Variants in SLC25A33 observed in about 807,000 individuals in gnomAD.
SLC25A33 encodes the protein bone marrow stromal cell mitochondrial carrier protein.
SLC25A33 carries 15 observed loss-of-function variants against 35.5 expected under a neutral mutation model. The ratio of observed to expected loss-of-function variants is 0.42; its 90% CI spans 0.28 to 0.65. The LOEUF is 0.65. SLC25A33 is among the 30% of genes least tolerant of loss of function. SLC25A33 has a pLI of 0.20. For missense variants in SLC25A33, 257 were observed against 398.5 expected (o/e 0.64, Z 3.02); for synonymous variants, 136 against 148.7 (o/e 0.91, Z 0.62).
chr1:9,557,803 C>T (rs985647336), intron 2 of SLC25A33, among the ~76,000 whole-genome samples: 11 of 152,090 alleles, frequency 7.2e-5, no homozygotes, highest in Non-Finnish European at 1.5e-4. Context: ...GCACAATTTA[C>T]GTAAGACAGG....
intron 6 of SLC25A33, among the ~76,000 whole-genome samples, chr1:9,581,387 T>C (rs1490394796): frequency 2.0e-5 from 3 of 152,236 alleles, no homozygotes; most frequent in Non-Finnish European, 4.4e-5. Context: ...ATTTGCTTAA[T>C]TGGGAGTAGA....
In SLC25A33 at chr1:9,542,409, C is replaced by A. The variant is rs368503236; in HGVS notation, c.56+2662C>A. On this transcript the variant is annotated intron_variant, in intron 1 of 6. Transcript: ENST00000302692. The stretch of plus-strand genomic sequence containing the variant: ...CCTGTCTTGGCAGCAATTGGAGACT[C>A]AAGAAAGAAAAGACAGCTTCCAAAA... 1.6e-3 allele frequency among the ~76,000 whole-genome samples: 237 copies of A among 152,256 alleles called. 1 individual carries two copies. The highest frequency in any genetic ancestry group is 5.5e-3 in the African/African-American group (227 of 41,540).
chr1:9,557,503 A>C (rs1432351356), intron 2 of SLC25A33, among the ~76,000 whole-genome samples: 1 of 152,132 alleles, frequency 6.6e-6, no homozygotes, highest in Non-Finnish European at 1.5e-5. Context: ...GTTTGAGACC[A>C]GCCTGGGCAA....
intron 2 of SLC25A33, among the ~76,000 whole-genome samples, chr1:9,566,837 A>G (rs1190425085): frequency 6.7e-6 from 1 of 149,276 alleles, no homozygotes; most frequent in African/African-American, 2.5e-5. Context: ...CAAGAGTGAA[A>G]CTCCGTCTAA....
At chr1:9,567,189 T>G (rs1643520880) in intron 2 of SLC25A33, 95 bp from the exon 3 acceptor site, 1 of 1,011,816 alleles carries the variant, frequency 9.9e-7, no homozygotes, top group South Asian at 1.5e-5. Flanking sequence ...AAACATTTTA[T>G]TCTCTCAAGG....
In SLC25A33 at chr1:9,539,725, C is replaced by T; in HGVS notation, c.34C>T (p.Leu12=). The T allele has an allele frequency of 6.4e-6, 9 of 1,409,878 alleles. No individual in the cohort carries two copies. The highest frequency in any genetic ancestry group is 1.5e-5 in the African/African-American group (1 of 66,588). 87.3% of individuals were successfully genotyped at this position (1,409,878 alleles called of 1,614,324 possible). A position where few individuals can be genotyped will look rare whatever the true frequency, so the allele number is the denominator to read the frequency against. ...ATGGQQKENT[L]LHLFAGGCGG... ...GGGCGGCCAGCAGAAGGAGAACACG[C>T]TGCTTCACCTCTTCGCCGGCGGGTG... The change falls in exon 1 of 7, where the codon CTG becomes TTG. Residue 12 remains leucine, a synonymous_variant. Transcript: ENST00000302692.
intron 6 of SLC25A33, among the ~76,000 whole-genome samples, 179 bp downstream of exon 6, chr1:9,580,413 G>A (rs1006003213): frequency 2.0e-5 from 3 of 152,210 alleles, no homozygotes; most frequent in Non-Finnish European, 2.9e-5. Flanking sequence ...GTGGGAACTC[G>A]ACCTTACTCA....
In SLC25A33 at chr1:9,578,048, G is replaced by A. The variant is rs181028495; in HGVS notation, c.483-1906G>A. Among the ~76,000 whole-genome samples the A allele has an allele frequency of 1.3e-4, 20 of 152,152 alleles. No homozygotes were observed. The highest frequency in any genetic ancestry group is 3.4e-4 in the African/African-American group (14 of 41,518). On this transcript the variant is annotated intron_variant, in intron 5 of 6. Coordinates refer to ENST00000302692, the MANE Select transcript of SLC25A33 (RefSeq NM_032315.3). The surrounding 1 kb of genome is among the most constrained non-coding windows in gnomAD (Gnocchi z 4.3). ...CGCCATTCTCCTGCCTCAGCCTCCCGAGTAGCTGGGAAGTGCCCGCCACCA... is the reference window on the plus strand; with the variant it reads ...CGCCATTCTCCTGCCTCAGCCTCCCAAGTAGCTGGGAAGTGCCCGCCACCA...
At chr1:9,560,457 G>A (rs773340723) in intron 2 of SLC25A33, among the ~76,000 whole-genome samples, 4 of 151,796 alleles carry the variant, frequency 2.6e-5, no homozygotes, top group African/African-American at 4.8e-5. Context: ...CCGGCTACTC[G>A]GGAGGTTGAG....
chr1:9,556,374 G>A lies in SLC25A33; in HGVS notation c.236+2569G>A, dbSNP rs1048211501. The A allele has an allele frequency of 2.6e-5, 9 of 341,516 alleles. No homozygotes were observed. In the South Asian group the frequency reaches 3.5e-4, roughly 13 times the overall value. 21.2% of individuals were successfully genotyped at this position (341,516 alleles called of 1,614,324 possible). A position where few individuals can be genotyped will look rare whatever the true frequency, so the allele number is the denominator to read the frequency against. ...TACCCAAAAGTGTGGGTGTCAATAG[G>A]GCCAACCTGGAAGGTAAATGGGAAT... On this transcript the variant is annotated intron_variant, in intron 2 of 6. Coordinates refer to ENST00000302692, the MANE Select transcript of SLC25A33 (RefSeq NM_032315.3).
intron 1 of SLC25A33, among the ~76,000 whole-genome samples, chr1:9,553,349 C>T (rs1310122504): frequency 6.7e-6 from 1 of 150,252 alleles, no homozygotes; most frequent in Non-Finnish European, 1.5e-5. Flanking sequence ...CTCAGCCTCC[C>T]GAGTAGCTGG....
chr1:9,546,593 A>G (rs1643174101), intron 1 of SLC25A33, among the ~76,000 whole-genome samples: 1 of 152,210 alleles, frequency 6.6e-6, no homozygotes, highest in Non-Finnish European at 1.5e-5. Flanking sequence ...CTGTTAAGAC[A>G]AGCATGAGTC....
At position 9,540,025 on chromosome 1, in the gene SLC25A33, G is replaced by T. The variant is rs1049153867; in HGVS notation, c.56+278G>T. The stretch of plus-strand genomic sequence containing the variant: ...GTCCCCAGCTTTTCCCCATTCTGAA[G>T]AGTCAGTGGCCGGTGAGTGGTGCTC... On this transcript the variant is annotated intron_variant, in intron 1 of 6. Coordinates refer to ENST00000302692, the MANE Select transcript of SLC25A33 (RefSeq NM_032315.3). 7.9e-5 allele frequency among the ~76,000 whole-genome samples: 12 copies of T among 152,272 alleles called. No homozygotes were observed. The East Asian group carries it at 1.9e-3, about 25-fold the overall frequency.
chr1:9,562,666 C>G (rs1328829667), intron 2 of SLC25A33, among the ~76,000 whole-genome samples: 2 of 151,904 alleles, frequency 1.3e-5, no homozygotes, highest in African/African-American at 4.8e-5. Flanking sequence ...ACCAACCTGA[C>G]CAACATGGAG....
intron 2 of SLC25A33, among the ~76,000 whole-genome samples, chr1:9,566,663 A>G (rs1206192120): frequency 2.0e-5 from 3 of 151,982 alleles, no homozygotes; most frequent in Non-Finnish European, 2.9e-5. Context: ...CCTGACCAGC[A>G]TGGAGAAACC....
At chr1:9,539,979 G>C (rs981241930) in intron 1 of SLC25A33, among the ~76,000 whole-genome samples, 4 of 152,104 alleles carry the variant, frequency 2.6e-5, no homozygotes, top group Admixed American at 6.5e-5. Context: ...GCTGTGCCCC[G>C]CCGCCCGTCC....
chr1:9,574,022 T>G (rs1643627465), intron 5 of SLC25A33, among the ~76,000 whole-genome samples: 1 of 152,052 alleles, frequency 6.6e-6, no homozygotes, highest in African/African-American at 2.4e-5. Context: ...GATAGGGTCT[T>G]ACTTGTTGCC....
intron 6 of SLC25A33, among the ~76,000 whole-genome samples, chr1:9,581,453 C>A (rs1226411702): frequency 6.6e-6 from 1 of 151,976 alleles, no homozygotes; most frequent in African/African-American, 2.4e-5. Context: ...TTTTTAACCC[C>A]TTAAAAGTTA....
At chr1:9,570,167 T>C (rs1289607549) in intron 3 of SLC25A33, 91 bp from the exon 4 acceptor site, 4 of 1,182,582 alleles carry the variant, frequency 3.4e-6, no homozygotes, top group Non-Finnish European at 4.9e-6. Flanking sequence ...TCTTTCCCAT[T>C]TTATTTTCCG....
Sources: gnomAD v4.1 joint callset for allele counts (sites outside exome capture counted in the v4.1 genomes callset) on GRCh38, gnomAD v4.1.1 for gene constraint, Gnocchi (gnomAD v3.1) non-coding constraint, MANE v1.5 for transcripts, NCBI Gene and HGNC (gene_info 2026-07-23, HGNC 2026-07-21) for gene names.